The following UBE2L3 variants were observed in gnomAD, a reference collection of about 807,000 sequenced individuals.
UBE2L3 encodes the protein ubiquitin-conjugating enzyme E2 L3.
A neutral mutation model predicts 17.8 loss-of-function variants in UBE2L3; 1 was observed. That is an observed-to-expected ratio of 0.06 (90% CI 0.02 to 0.27). The LOEUF (loss-of-function observed/expected upper bound fraction) is 0.27. Ranked by LOEUF, UBE2L3 falls within the 10% of genes least tolerant of loss-of-function variation. The pLI is 1.00. For missense variants in UBE2L3, 40 were observed against 192.6 expected, an observed-to-expected ratio of 0.21 and a Z score of 4.69; for synonymous variants, 44 against 68.5, an observed-to-expected ratio of 0.64 and a Z score of 1.76.
intron 3 of UBE2L3, among the ~76,000 whole-genome samples, chr22:21,613,161 G>A (rs956851020): frequency 5.9e-5 from 9 of 152,200 alleles, no homozygotes; most frequent in African/African-American, 1.7e-4. Flanking sequence ...TAGACTGAGA[G>A]GGTGGGGCTA....
rs141897219 is a variant in UBE2L3 at position 21,595,397 on chromosome 22, G to T, written c.123+2441G>T. Among the ~76,000 whole-genome samples, 1,482 of 152,314 alleles carry T rather than the reference G, an allele frequency of 9.7e-3. 29 individuals carry two copies. The highest frequency in any genetic ancestry group is 0.034 in the African/African-American group (1,411 of 41,570). ...CTTTAGGTCTTCCTGCATTGGACGG[G>T]CTGGGCCAGCATGGGAATCTACTAT... On this transcript the variant is annotated intron_variant, in intron 2 of 3. Transcript: ENST00000342192.
intron 2 of UBE2L3, among the ~76,000 whole-genome samples, chr22:21,605,144 A>G (rs1396319438): frequency 1.3e-5 from 2 of 152,072 alleles, no homozygotes; most frequent in African/African-American, 4.8e-5. Context: ...AATTTAAAAA[A>G]ATTGTTAGCA....
chr22:21,600,641 A>C (rs984574781), intron 2 of UBE2L3, among the ~76,000 whole-genome samples: 9 of 152,172 alleles, frequency 5.9e-5, no homozygotes, highest in African/African-American at 2.2e-4. Context: ...GGCCGCAGTG[A>C]GCCAAGATCG....
intron 1 of UBE2L3, among the ~76,000 whole-genome samples, chr22:21,569,247 T>C (rs1277158871): frequency 2.6e-5 from 4 of 151,874 alleles, no homozygotes; most frequent in Non-Finnish European, 5.9e-5. Context: ...AATATAAAAA[T>C]TAGCTGGGCG....
At chr22:21,590,180 A>C (rs988536426) in intron 1 of UBE2L3, among the ~76,000 whole-genome samples, 2 of 151,970 alleles carry the variant, frequency 1.3e-5, no homozygotes, top group Admixed American at 1.3e-4. Flanking sequence ...TGTGTTTATC[A>C]TCCCTACTTT....
chr22:21,584,956 A>AAAAC (rs759097352), intron 1 of UBE2L3, among the ~76,000 whole-genome samples: 2 of 152,184 alleles, frequency 1.3e-5, no homozygotes, highest in Non-Finnish European at 2.9e-5. Context: ...ACTCCGTCTC[A>AAAAC]AAACAAACAA....
At chr22:21,597,269 C>T (rs417986) in intron 2 of UBE2L3, among the ~76,000 whole-genome samples, 114,171 of 152,110 alleles carry the variant, frequency 0.75, 44,127 homozygotes, top group African/African-American at 0.94. Context: ...CTTGAGCCAC[C>T]GTGCCTGGCC....
rs117663077 is a variant in UBE2L3 at position 21,571,784 on chromosome 22, A to G, written c.27+4013A>G. On this transcript the variant is annotated intron_variant, in intron 1 of 3. Transcript: ENST00000342192. ...CATAGTCATAGTAGGAGGAACCTCTAAAAGTTCATTCCTTGGGTTTCGTTG... is the reference window on the plus strand; with the variant it reads ...CATAGTCATAGTAGGAGGAACCTCTGAAAGTTCATTCCTTGGGTTTCGTTG... Among the ~76,000 whole-genome samples, 998 of 152,320 alleles carry G rather than the reference A, an allele frequency of 6.6e-3. 8 individuals carry two copies. The highest frequency in any genetic ancestry group is 8.7e-3 in the Non-Finnish European group (595 of 68,028).
intron 3 of UBE2L3, among the ~76,000 whole-genome samples, chr22:21,621,198 G>T (rs1930026040): frequency 1.3e-5 from 2 of 152,172 alleles, no homozygotes; most frequent in African/African-American, 4.8e-5. Flanking sequence ...AGAAAAAAGG[G>T]CTGGGAGTGA....
Position 21,592,939 on chromosome 22 carries a change from C to G in UBE2L3, c.106C>G (p.Gln36Glu). The G allele has an allele frequency of 6.2e-7, 1 of 1,614,008 alleles. No individual in the cohort carries two copies. The highest frequency in any genetic ancestry group is 8.5e-7 in the Non-Finnish European group (1 of 1,179,890). ...QVDEANLLTW[Q>E]GLIVPDNPPY... ...TGATGAAGCTAATTTATTGACTTGGCAAGGGCTTATTGTTCCTGTGAGTAT... is the reference window on the plus strand; with the variant it reads ...TGATGAAGCTAATTTATTGACTTGGGAAGGGCTTATTGTTCCTGTGAGTAT... Residue 36 changes from glutamine (Q) to glutamate (E), a missense_variant, in exon 2 of 4, where the codon CAA (glutamine) becomes GAA (glutamate). Coordinates refer to ENST00000342192, the MANE Select transcript of UBE2L3 (RefSeq NM_003347.4).
intron 2 of UBE2L3, among the ~76,000 whole-genome samples, chr22:21,606,587 C>T (rs1929187009): frequency 6.6e-6 from 1 of 152,168 alleles, no homozygotes; most frequent in Admixed American, 6.5e-5. Flanking sequence ...GGGTATGGTG[C>T]ATCACTCCTA....
chr22:21,618,212 T>TGAA (rs1568989784), intron 3 of UBE2L3, among the ~76,000 whole-genome samples: 1 of 150,934 alleles, frequency 6.6e-6, no homozygotes, highest in East Asian at 2.0e-4. Flanking sequence ...TTGATCAAAT[T>TGAA]AGTGAAACTA....
chr22:21,613,768 A>C (rs554750821), intron 3 of UBE2L3, among the ~76,000 whole-genome samples: 1 of 152,172 alleles, frequency 6.6e-6, no homozygotes, highest in African/African-American at 2.4e-5. Flanking sequence ...TGGGAACTCA[A>C]CTTGGCTGGG....
intron 3 of UBE2L3, among the ~76,000 whole-genome samples, chr22:21,615,503 C>G (rs1048648854): frequency 6.7e-6 from 1 of 149,742 alleles, no homozygotes; most frequent in Non-Finnish European, 1.5e-5. Flanking sequence ...TGCAGTGAGC[C>G]GAGATCACGC....
upstream of UBE2L3, among the ~76,000 whole-genome samples, chr22:21,564,760 C>G (rs1180381367): frequency 6.6e-6 from 1 of 152,166 alleles, no homozygotes; most frequent in Admixed American, 6.6e-5. Context: ...CGTCCCCTTC[C>G]TCCGTAATTC....
rs1928018934 is a variant in UBE2L3 at position 21,587,628 on chromosome 22, C to CAGGT, written c.28-5232_28-5229dup. ...CTTTGTTAACTGCTTTGCCAAGACG[C>CAGGT]AGGTGTGTACATCTGAGCTGTGTGA... On this transcript the variant is annotated intron_variant, in intron 1 of 3. Coordinates refer to ENST00000342192, the MANE Select transcript of UBE2L3 (RefSeq NM_003347.4). Among the ~76,000 whole-genome samples, 6 of 152,220 alleles carry CAGGT rather than the reference C, an allele frequency of 3.9e-5. 1 individual carries two copies. The South Asian group carries it at 1.2e-3, about 32-fold the overall frequency.
At chr22:21,609,494 C>A (rs969959828) in intron 2 of UBE2L3, among the ~76,000 whole-genome samples, 2 of 150,606 alleles carry the variant, frequency 1.3e-5, no homozygotes, top group African/African-American at 4.9e-5. Flanking sequence ...ATCTCTTGAG[C>A]CCAGGAGTTT....
chr22:21,593,621 T>C (rs1928377899), intron 2 of UBE2L3, among the ~76,000 whole-genome samples: 1 of 152,100 alleles, frequency 6.6e-6, no homozygotes, highest in Non-Finnish European at 1.5e-5. Context: ...TTTGATCCCC[T>C]CCCCTTCAAG....
intron 3 of UBE2L3, 49 bp downstream of exon 3, chr22:21,611,092 G>T (rs1929447335): frequency 2.0e-6 from 3 of 1,513,444 alleles, no homozygotes; most frequent in African/African-American, 1.4e-5. Flanking sequence ...TGGGGGTGCT[G>T]CTCTGGGGTG....
Sources: gnomAD v4.1 joint callset for allele counts (sites outside exome capture counted in the v4.1 genomes callset) on GRCh38, gnomAD v4.1.1 for gene constraint, MANE v1.5 for transcripts, NCBI Gene and HGNC (gene_info 2026-07-23, HGNC 2026-07-21) for gene names.